The following DAB1 variants were observed in gnomAD, a reference collection of about 807,000 sequenced individuals.
The protein encoded by DAB1 is disabled homolog 1.
DAB1 carries 15 observed loss-of-function variants against 64.6 expected under a neutral mutation model. That is an observed-to-expected ratio of 0.23 (90% CI 0.16 to 0.36). DAB1 has a LOEUF of 0.36. DAB1 is among the 10% of genes least tolerant of loss of function. The probability of loss-of-function intolerance (pLI) is 1.00; values close to 1 mark genes in which losing one functional copy is unlikely to be tolerated. For missense variants in DAB1, 596 were observed against 706.7 expected (o/e 0.84, Z 1.78); for synonymous variants, 235 against 251.9 (o/e 0.93, Z 0.64).
chr1:57,183,873 G>A (rs1663244770), intron 2 of DAB1, among the ~76,000 whole-genome samples: 1 of 152,152 alleles, frequency 6.6e-6, no homozygotes, highest in Non-Finnish European at 1.5e-5. Context: ...TGAAGACAAG[G>A]ATGGGAAAGG....
intron 7 of DAB1, among the ~76,000 whole-genome samples, chr1:57,509,300 C>T (rs1644381955): frequency 6.6e-6 from 1 of 152,142 alleles, no homozygotes; most frequent in African/African-American, 2.4e-5. Context: ...CTGCCACCCC[C>T]TATGCAATGC....
intron 3 of DAB1, among the ~76,000 whole-genome samples, chr1:58,356,975 G>A (rs2762915): frequency 0.041 from 5,958 of 144,952 alleles, 420 homozygotes; most frequent in African/African-American, 0.15. Flanking sequence ...GTAGTGAGCC[G>A]TGATTGTACC....
intron 2 of DAB1, among the ~76,000 whole-genome samples, chr1:57,223,889 A>G (rs1296354407): frequency 6.6e-6 from 1 of 152,152 alleles, no homozygotes; most frequent in Non-Finnish European, 1.5e-5. Flanking sequence ...TTGCTTCTGC[A>G]GGCTGGACAG....
chr1:57,884,908 C>T (rs1318834700), upstream of DAB1, among the ~76,000 whole-genome samples: 2 of 152,182 alleles, frequency 1.3e-5, no homozygotes, highest in South Asian at 2.1e-4. Flanking sequence ...TGTTTCCTCT[C>T]TAGCTGTGTG....
At chr1:57,559,836 C>A (rs1244092464) in intron 7 of DAB1, among the ~76,000 whole-genome samples, 2 of 152,174 alleles carry the variant, frequency 1.3e-5, no homozygotes, top group East Asian at 3.9e-4. Flanking sequence ...AATAGTAAAT[C>A]AAAAATAATA....
Position 57,606,586 on chromosome 1 carries a change from A to T in DAB1, n.625+43006T>A, listed in dbSNP as rs867082704. Among the ~76,000 whole-genome samples the T allele has an allele frequency of 2.6e-3, 177 of 68,912 alleles. 1 individual carries two copies. The highest frequency in any genetic ancestry group is 8.5e-3 in the African/African-American group (166 of 19,440). 45.2% of individuals were successfully genotyped at this position (68,912 alleles called of 152,430 possible). On this transcript the variant is annotated intron_variant and non_coding_transcript_variant, in intron 7 of 20. Transcript: ENST00000485760. ...ATATTATATATGAAATATATAATAT[A>T]ATATATTATATATTATATATATGAA...
intron 4 of DAB1, among the ~76,000 whole-genome samples, chr1:58,170,423 C>T (rs1211122986): frequency 1.3e-5 from 2 of 152,104 alleles, no homozygotes; most frequent in African/African-American, 4.8e-5. Context: ...AAGTTTATTA[C>T]CCAATCAGCC....
At chr1:57,666,171 A>C (rs1443320447) in intron 6 of DAB1, among the ~76,000 whole-genome samples, 4 of 152,140 alleles carry the variant, frequency 2.6e-5, no homozygotes, top group Non-Finnish European at 5.9e-5. Flanking sequence ...CAATTTTATG[A>C]GGAGCACATT....
intron 7 of DAB1, among the ~76,000 whole-genome samples, chr1:57,514,018 C>T (rs192630246): frequency 1.3e-5 from 2 of 152,308 alleles, no homozygotes; most frequent in African/African-American, 4.8e-5. Flanking sequence ...TCACAAATGA[C>T]AGAATTTCCT....
chr1:58,356,323 C>G (rs1644111013), intron 3 of DAB1, among the ~76,000 whole-genome samples: 1 of 152,114 alleles, frequency 6.6e-6, no homozygotes. Flanking sequence ...TTCACTAGAA[C>G]ACTATAGCTG....
intron 5 of DAB1, among the ~76,000 whole-genome samples, chr1:58,088,535 C>T (rs986422981): frequency 1.3e-5 from 2 of 152,118 alleles, no homozygotes; most frequent in African/African-American, 4.8e-5. Context: ...CGCTTGACCC[C>T]ATCTTGGTTT....
chr1:58,384,305 A>C (rs1016616628), intron 3 of DAB1, among the ~76,000 whole-genome samples: 4 of 152,326 alleles, frequency 2.6e-5, no homozygotes, highest in African/African-American at 9.6e-5. Context: ...CAAACACTGC[A>C]AATTTCTCTT....
intron 5 of DAB1, among the ~76,000 whole-genome samples, chr1:57,937,422 G>A (rs1404495900): frequency 1.3e-5 from 2 of 152,100 alleles, no homozygotes; most frequent in Non-Finnish European, 2.9e-5. Context: ...AGGCAAAGCT[G>A]AGCTAGAGTT....
chr1:58,506,076 T>C lies in DAB1; in HGVS notation n.241A>G. On this transcript the variant is annotated non_coding_transcript_exon_variant, in exon 3 of 21. Coordinates refer to the DAB1 transcript ENST00000485760. ...TCAGCTCACCTGAGGTATAAGTCTA[T>C]CCAAGTACTCAACTCGATTGCCATG... is the stretch of plus-strand genomic sequence containing the variant. The C allele has an allele frequency of 3.4e-6, 3 of 871,364 alleles. No individual in the cohort carries two copies. In the South Asian group the frequency reaches 3.9e-5, roughly 11 times the overall value. The allele number at this position is 871,364 out of a possible 1,614,324, so 54.0% of individuals were successfully genotyped here. A position where few individuals can be genotyped will look rare whatever the true frequency, so the allele number is the denominator to read the frequency against.
At chr1:58,458,620 A>G (rs779686568) in intron 3 of DAB1, among the ~76,000 whole-genome samples, 1 of 152,338 alleles carries the variant, frequency 6.6e-6, no homozygotes, top group Non-Finnish European at 1.5e-5. Context: ...CCTGGCCAAC[A>G]TGGCAAGACC....
Position 57,922,541 on chromosome 1 carries a change from G to A in DAB1, n.388-38379C>T, listed in dbSNP as rs562229024. On this transcript the variant is annotated intron_variant and non_coding_transcript_variant, in intron 5 of 20. Transcript: ENST00000485760. ...TTGCCCTGAGGAACCTCCATCCTAC[G>A]AGATGTTCCTGTTTGTTCCCCGAAA... Among the ~76,000 whole-genome samples the A allele has an allele frequency of 9.2e-5, 14 of 152,208 alleles. No homozygotes were observed. The South Asian group carries it at 1.2e-3, about 14-fold the overall frequency.
At chr1:57,774,111 T>C (rs1031120449) in intron 6 of DAB1, among the ~76,000 whole-genome samples, 1 of 151,884 alleles carries the variant, frequency 6.6e-6, no homozygotes, top group African/African-American at 2.4e-5. Flanking sequence ...CATAAAAATA[T>C]TGAGTTTTCT....
chr1:58,447,643 C>T (rs776834554), intron 3 of DAB1, among the ~76,000 whole-genome samples: 4 of 151,992 alleles, frequency 2.6e-5, no homozygotes, highest in Non-Finnish European at 4.4e-5. Context: ...AAAGAAGGAA[C>T]GATACACAGT....
chr1:58,485,607 T>C (rs192616074), intron 3 of DAB1, among the ~76,000 whole-genome samples: 1 of 152,228 alleles, frequency 6.6e-6, no homozygotes, highest in Admixed American at 6.5e-5. Flanking sequence ...ATTTTTTCTT[T>C]TTTCCTTTCC....
Sources: allele counts gnomAD v4.1 joint callset (sites outside exome capture counted in the v4.1 genomes callset), GRCh38; gene constraint gnomAD v4.1.1; transcripts MANE v1.5; gene names NCBI Gene and HGNC (gene_info 2026-07-23, HGNC 2026-07-21).